Variants in REXO4 observed in about 807,000 individuals in gnomAD.
The protein encoded by REXO4 is RNA exonuclease 4.
A neutral mutation model predicts 39.9 loss-of-function variants in REXO4; 29 were observed. That is an observed-to-expected ratio of 0.73 (90% CI 0.54 to 0.99). The LOEUF is 0.99. REXO4 is among the 50% of genes least tolerant of loss of function. The pLI is 0.00. For synonymous variants in REXO4, 184 were observed against 206.2 expected, an observed-to-expected ratio of 0.89 and a Z score of 0.92; for missense variants, 524 against 546.5, an observed-to-expected ratio of 0.96 and a Z score of 0.41.
chr9:133,408,917 T>A, intron 5 of REXO4, 75 bp from the exon 6 acceptor site: 1 of 728,994 alleles, frequency 1.4e-6, no homozygotes, highest in Non-Finnish European at 2.3e-6. Flanking sequence ...CCCCGCCACC[T>A]TTTGCAAGTA....
rs896449619 is a variant in REXO4, at chr9:133,407,741, C to T, written c.1149+66G>A. On this transcript the variant is annotated intron_variant, in intron 7 of 7. Coordinates refer to ENST00000371942, the MANE Select transcript of REXO4 (RefSeq NM_020385.4). ...CCTCCCCCATGTCTGTGTCAGGTGA[C>T]TCATGTCTGGTTCCAGGTGGGAAAC... 18 of 1,321,940 alleles carry T rather than the reference C, an allele frequency of 1.4e-5. No individual in the cohort carries two copies. The African/African-American group carries it at 2.2e-4, about 16-fold the overall frequency. 81.9% of individuals were successfully genotyped at this position (1,321,940 alleles called of 1,614,324 possible).
chr9:133,407,991 G>C (rs587617157), intron 6 of REXO4, 110 bp from the exon 7 acceptor site: 253 of 774,436 alleles, frequency 3.3e-4, no homozygotes, highest in Non-Finnish European at 2.8e-5. Flanking sequence ...GCGACCTACA[G>C]TTTGCCTCTC....
Position 133,417,574 on chromosome 9 carries a change from G to C in REXO4, c.225+46C>G, listed in dbSNP as rs369600656. ...AGTCTTTCCCTCCGTCGCGTTCTGCGGGAATGAGCTGCGCAGCGCTCCGCC... is the reference window on the plus strand; with the variant it reads ...AGTCTTTCCCTCCGTCGCGTTCTGCCGGAATGAGCTGCGCAGCGCTCCGCC... On this transcript the variant is annotated intron_variant, in intron 1 of 7. Transcript: ENST00000371942. 2,150 of 1,587,046 alleles carry C rather than the reference G, an allele frequency of 1.4e-3. 11 individuals carry two copies. Among genetic ancestry groups the C allele is most frequent in the Middle Eastern group, 8.4e-3 (50 of 5,922 alleles).
chr9:133,410,995 T>A lies in REXO4; in HGVS notation c.989A>T (p.Asn330Ile). 1 of 1,613,912 alleles carries A rather than the reference T, an allele frequency of 6.2e-7. No homozygotes were observed. Among genetic ancestry groups the A allele is most frequent in the South Asian group, 1.1e-5 (1 of 91,080 alleles). ...GAGAGAGCCCAGTACCTTTAGGTCA[T>A]TATGCAGAGCGTGCCCCACTAGAAT... ...GRILVGHALH[N>I]DLKVLFLDHP... Residue 330 changes from asparagine to isoleucine, a missense_variant, in exon 5 of 8, where the codon AAT (asparagine) becomes ATT (isoleucine). Coordinates refer to ENST00000371942, the MANE Select transcript of REXO4 (RefSeq NM_020385.4).
intron 3 of REXO4, 94 bp from the exon 4 acceptor site, chr9:133,412,586 G>A (rs1554780426): frequency 6.8e-7 from 1 of 1,477,108 alleles, no homozygotes; most frequent in African/African-American, 1.4e-5. Context: ...AGTGTCAGCA[G>A]AGAAAAGCTC....
chr9:133,407,936 T>TCA, intron 6 of REXO4, 55 bp from the exon 7 acceptor site: 1 of 1,415,074 alleles, frequency 7.1e-7, no homozygotes, highest in Non-Finnish European at 9.9e-7. Flanking sequence ...CCAAAGAGGG[T>TCA]CACCCCACCA....
chr9:133,414,333 C>T (rs587705645), intron 2 of REXO4: 15 of 530,756 alleles, frequency 2.8e-5, no homozygotes, highest in South Asian at 1.4e-4. Flanking sequence ...GCACAGAGGA[C>T]GTCAGAAACT....
intron 2 of REXO4, 43 bp from the exon 3 acceptor site, chr9:133,412,964 T>G (rs782809179): frequency 1.2e-6 from 2 of 1,600,992 alleles, no homozygotes; most frequent in Non-Finnish European, 1.7e-6. Flanking sequence ...AAGACCCTAG[T>G]GCAACTGGTG....
chr9:133,414,472 G>A (rs782118247), intron 2 of REXO4, 193 bp downstream of exon 2: 12 of 707,776 alleles, frequency 1.7e-5, no homozygotes, highest in South Asian at 5.9e-5. Flanking sequence ...CTCAACGCTC[G>A]GAAGAAGCAG....
intron 3 of REXO4, 122 bp from the exon 4 acceptor site, chr9:133,412,614 T>C (rs886514869): frequency 5.5e-5 from 77 of 1,396,084 alleles, no homozygotes; most frequent in Non-Finnish European, 7.1e-5. Flanking sequence ...CTCACTCATT[T>C]GCACCCACGT....
rs944951102 is a variant in REXO4 at position 133,418,009 on chromosome 9, A to G, written c.-165T>C. ...GGAAGAGACCCCGCACGCGTTGCGC[A>G]TACCTCAGCACGCACGCTCCAGTCC... On this transcript the variant is annotated 5_prime_UTR_variant, in exon 1 of 8. It removes an upstream start codon present in the reference 5' UTR. Transcript: ENST00000371942. 4.7e-6 allele frequency: 3 copies of G among 641,102 alleles called. No homozygotes were observed. Among genetic ancestry groups the G allele is most frequent in the Non-Finnish European group, 8.0e-6 (3 of 375,952 alleles). 39.7% of individuals were successfully genotyped at this position (641,102 alleles called of 1,614,324 possible).
At position 133,406,822 on chromosome 9, in the gene REXO4, C is replaced by A; in HGVS notation, c.*131G>T. On this transcript the variant is annotated 3_prime_UTR_variant, in exon 8 of 8. Transcript: ENST00000371942. ...GGAAGGAGGACCTTCTCAGTAGCAC[C>A]ACGCCACGCCCCTCTGCCATGATTC... 7.4e-7 allele frequency: 1 copy of A among 1,357,354 alleles called. No homozygotes were observed. Among genetic ancestry groups the A allele is most frequent in the Non-Finnish European group, 1.0e-6 (1 of 984,928 alleles). The allele number at this position is 1,357,354 out of a possible 1,614,324, so 84.1% of individuals were successfully genotyped here.
At chr9:133,412,191 T>G in intron 4 of REXO4, 108 bp downstream of exon 4, 1 of 1,190,060 alleles carries the variant, frequency 8.4e-7, no homozygotes. Flanking sequence ...ACAAGACGCA[T>G]CAAAACCAGC....
chr9:133,411,422 G>T (rs1232238030), intron 4 of REXO4, among the ~76,000 whole-genome samples: 1 of 152,214 alleles, frequency 6.6e-6, no homozygotes, highest in Non-Finnish European at 1.5e-5. Context: ...TCAACCTCAT[G>T]ATTTACTTGA....
chr9:133,411,604 C>T (rs887850129), intron 4 of REXO4, among the ~76,000 whole-genome samples: 1 of 152,178 alleles, frequency 6.6e-6, no homozygotes, highest in Non-Finnish European at 1.5e-5. Flanking sequence ...GTGGCCCGAG[C>T]CAAGTGGGAC....
chr9:133,410,013 G>C (rs1839131309), intron 5 of REXO4, among the ~76,000 whole-genome samples: 1 of 152,178 alleles, frequency 6.6e-6, no homozygotes, highest in Non-Finnish European at 1.5e-5. Flanking sequence ...TGAGGACACT[G>C]CCCGGGGGGT....
intron 1 of REXO4, among the ~76,000 whole-genome samples, chr9:133,417,253 G>A (rs1009525780): frequency 2.0e-5 from 3 of 152,230 alleles, no homozygotes; most frequent in African/African-American, 7.2e-5. Flanking sequence ...TTGACCTCAG[G>A]GGATCTGCCC....
At chr9:133,411,278 G>A (rs782300902) in intron 4 of REXO4, among the ~76,000 whole-genome samples, 4 of 152,188 alleles carry the variant, frequency 2.6e-5, no homozygotes, top group Non-Finnish European at 4.4e-5. Context: ...GGGTGGCTGC[G>A]AGAACCACCT....
In REXO4 at chr9:133,412,461, T is replaced by C; in HGVS notation, c.748A>G (p.Met250Val). ...LTRALALDCE[M>V]VGVGPKGEES... The stretch of plus-strand genomic sequence containing the variant: ...TCCCCCTTAGGGCCCACGCCCACCA[T>C]CTCACAGTCCAAGGCTAAGGCTCTT... The change falls in exon 4 of 8, where the codon ATG becomes GTG. Residue 250 changes from methionine to valine, a missense_variant. Physicochemically the swap from Met to Val is conservative, Grantham distance 21 (BLOSUM62 1). Coordinates refer to ENST00000371942, the MANE Select transcript of REXO4 (RefSeq NM_020385.4). 1 of 1,614,034 alleles carries C rather than the reference T, an allele frequency of 6.2e-7. No individual in the cohort carries two copies. The highest frequency in any genetic ancestry group is 8.5e-7 in the Non-Finnish European group (1 of 1,180,006).
Sources: allele counts gnomAD v4.1 joint callset (sites outside exome capture counted in the v4.1 genomes callset), GRCh38; gene constraint gnomAD v4.1.1; transcripts MANE v1.5; gene names NCBI Gene and HGNC (gene_info 2026-07-23, HGNC 2026-07-21).